The following AGO1 variants were observed in gnomAD, a reference collection of about 807,000 sequenced individuals.
The protein encoded by AGO1 is argonaute RISC component 1, also known as protein argonaute-1.
AGO1 carries 11 observed loss-of-function variants against 109.2 expected under a neutral mutation model. That is an observed-to-expected ratio of 0.10 (90% CI 0.06 to 0.17). The LOEUF is 0.17. Among genes scored for constraint, AGO1 ranks in the 10% least tolerant of loss-of-function variants. AGO1 has a pLI of 1.00. For missense variants in AGO1, 574 were observed against 1,140.3 expected, an observed-to-expected ratio of 0.50 and a Z score of 7.15; for synonymous variants, 422 against 418.6, an observed-to-expected ratio of 1.01 and a Z score of -0.10.
chr1:35,895,875 C>G (rs994815425), intron 8 of AGO1, among the ~76,000 whole-genome samples: 4 of 152,190 alleles, frequency 2.6e-5, no homozygotes, highest in African/African-American at 9.7e-5. Context: ...AAACTACTGC[C>G]TACTGCTTCA....
intron 11 of AGO1, 21 bp downstream of exon 11, chr1:35,902,358 G>T: frequency 1.9e-6 from 3 of 1,609,826 alleles, no homozygotes; most frequent in Non-Finnish European, 1.7e-6. Context: ...TTCGCTGTAG[G>T]GGTGGAAGGG....
Position 35,901,408 on chromosome 1 carries a change from G to C in AGO1, c.1021-66G>C, listed in dbSNP as rs1645413911. 3 of 1,596,128 alleles carry C rather than the reference G, an allele frequency of 1.9e-6. No individual in the cohort carries two copies. Among genetic ancestry groups the C allele is most frequent in the Non-Finnish European group, 2.6e-6 (3 of 1,169,662 alleles). ...GACAGCCAAGGTATCTTTCCTTATT[G>C]TGGGGCTCTGGGTACAGGGTGGACT... On this transcript the variant is annotated intron_variant, in intron 8 of 18. Transcript: ENST00000373204. This position sits in a 1 kb window ranked among gnomAD's most constrained non-coding sequence, Gnocchi z 4.8.
chr1:35,915,375 A>G lies in AGO1; in HGVS notation c.1861A>G (p.Ser621Gly), dbSNP rs1645715448. ...GGTAGGCAGTATGGATGCCCACCCC[A>G]GCCGATACTGTGCTACTGTGCGGGT... ...AVVGSMDAHP[S>G]RYCATVRVQR... The change falls in exon 15 of 19, where the codon AGC (serine) becomes GGC (glycine). Residue 621 changes from serine (S) to glycine (G), a missense_variant. This residue lies in a region of AGO1 where 68 missense variants were observed against 200.2 expected (regional missense o/e 0.34). Transcript: ENST00000373204. 6.2e-7 allele frequency: 1 copy of G among 1,613,856 alleles called. No homozygotes were observed. The highest frequency in any genetic ancestry group is 8.5e-7 in the Non-Finnish European group (1 of 1,179,924).
intron 12 of AGO1, 111 bp from the exon 13 acceptor site, chr1:35,913,731 G>A: frequency 9.0e-7 from 1 of 1,115,236 alleles, no homozygotes; most frequent in Non-Finnish European, 1.3e-6. Context: ...AGGACCTTAT[G>A]TGTTTCCTGT....
intron 14 of AGO1, among the ~76,000 whole-genome samples, chr1:35,914,600 G>T (rs1645701655): frequency 6.6e-6 from 1 of 152,134 alleles, no homozygotes. Flanking sequence ...CCTTTAAAGG[G>T]AGTTACTTAG....
chr1:35,918,948 ATGGG>A, intron 17 of AGO1, 103 bp from the exon 18 acceptor site: 1 of 1,011,760 alleles, frequency 9.9e-7, no homozygotes, highest in Non-Finnish European at 1.5e-6. Flanking sequence ...CTGCCTGTTC[ATGGG>A]TGAATTATCT....
intron 11 of AGO1, among the ~76,000 whole-genome samples, chr1:35,902,740 T>C (rs1255397836): frequency 6.6e-6 from 1 of 152,172 alleles, no homozygotes; most frequent in East Asian, 1.9e-4. Context: ...AGACTGAGGC[T>C]CAAAAGAGGT....
At chr1:35,887,214 C>G (rs566774320) in intron 1 of AGO1, among the ~76,000 whole-genome samples, 1 of 152,200 alleles carries the variant, frequency 6.6e-6, no homozygotes, top group Admixed American at 6.5e-5. Context: ...ATGAATGGTT[C>G]TGACCTCTTC....
intron 12 of AGO1, among the ~76,000 whole-genome samples, chr1:35,913,262 A>G (rs1208555008): frequency 6.6e-6 from 1 of 151,144 alleles, no homozygotes; most frequent in Non-Finnish European, 1.5e-5. Flanking sequence ...CTCATGATCC[A>G]CCCGCCTCGG....
In AGO1 at chr1:35,929,607, T is replaced by C. The variant is rs1161741391; in HGVS notation, c.*10000T>C. 6.6e-6 allele frequency: 1 copy of C among 152,222 alleles called. No individual in the cohort carries two copies. The highest frequency in any genetic ancestry group is 1.5e-5 in the Non-Finnish European group (1 of 68,030). The allele number at this position is 152,222 out of a possible 1,614,324, so 9.4% of individuals were successfully genotyped here. On this transcript the variant is annotated 3_prime_UTR_variant, in exon 19 of 19. Transcript: ENST00000373204. The stretch of plus-strand genomic sequence containing the variant: ...CGAGGATTAAAAATGACTTTTAAGA[T>C]GCAGTGTTTCATCTGGTGACATTTA...
In AGO1 at chr1:35,921,802, C is replaced by T. The variant is rs748073066; in HGVS notation, c.*2195C>T. ...CCTGCTGGCTACAGCATGGGGTGCCCTATAGGCACAAGCCCAGCTGAAGAA... is the reference window on the plus strand; with the variant it reads ...CCTGCTGGCTACAGCATGGGGTGCCTTATAGGCACAAGCCCAGCTGAAGAA... On this transcript the variant is annotated 3_prime_UTR_variant, in exon 19 of 19. Coordinates refer to ENST00000373204, the MANE Select transcript of AGO1 (RefSeq NM_012199.5). 6.5e-6 allele frequency: 1 copy of T among 152,678 alleles called. No individual in the cohort carries two copies. The highest frequency in any genetic ancestry group is 1.5e-5 in the Non-Finnish European group (1 of 68,070). 9.5% of individuals were successfully genotyped at this position (152,678 alleles called of 1,614,324 possible).
chr1:35,882,881 T>G (rs1487690452), upstream of AGO1: 1 of 985,080 alleles, frequency 1.0e-6, no homozygotes, highest in Non-Finnish European at 1.2e-6. This position sits in a 1 kb window ranked among gnomAD's most constrained non-coding sequence, Gnocchi z 5.1. Flanking sequence ...GGGAATGAAG[T>G]GGGGTTCCCA....
chr1:35,892,813 G>A lies in AGO1; in HGVS notation c.330+136G>A, dbSNP rs956044370. ...TATGTTTTAGGGTGAGGGGTGGGTA[G>A]GTGCTGATGTTTATTTAGTCTATCA... On this transcript the variant is annotated intron_variant, in intron 3 of 18. Transcript: ENST00000373204. 6 of 1,269,096 alleles carry A rather than the reference G, an allele frequency of 4.7e-6. No individual in the cohort carries two copies. Among genetic ancestry groups the A allele is most frequent in the Admixed American group, 2.1e-5 (1 of 48,452 alleles). The allele number at this position is 1,269,096 out of a possible 1,614,324, so 78.6% of individuals were successfully genotyped here.
At position 35,925,193 on chromosome 1, in the gene AGO1, TTC is replaced by T. The variant is rs2148729868; in HGVS notation, c.*5588_*5589del. 6.6e-6 allele frequency: 1 copy of T among 150,546 alleles called. No individual in the cohort carries two copies. The highest frequency in any genetic ancestry group is 2.0e-4 in the East Asian group (1 of 5,114). The allele number at this position is 150,546 out of a possible 1,614,324, so 9.3% of individuals were successfully genotyped here. ...AACATGAACTGCTGCAGAGAGGGAG[TTC>T]TTTTTTTTTCTGTGTGTTTTACCTT... On this transcript the variant is annotated 3_prime_UTR_variant, in exon 19 of 19. Coordinates refer to ENST00000373204, the MANE Select transcript of AGO1 (RefSeq NM_012199.5).
intron 12 of AGO1, among the ~76,000 whole-genome samples, chr1:35,909,235 T>G (rs1645588364): frequency 6.6e-6 from 1 of 152,240 alleles, no homozygotes; most frequent in African/African-American, 2.4e-5. Flanking sequence ...GATTTTAGTT[T>G]AATGTTTTCA....
chr1:35,887,101 A>G lies in AGO1; in HGVS notation c.26-1326A>G, dbSNP rs551241072. ...TAGCTGAGTTCTGAAGACCTTTTCC[A>G]TCCAGGCTGGGCCTTCATTTCCCTG... On this transcript the variant is annotated intron_variant, in intron 1 of 18. Coordinates refer to ENST00000373204, the MANE Select transcript of AGO1 (RefSeq NM_012199.5). 3.9e-4 allele frequency among the ~76,000 whole-genome samples: 60 copies of G among 152,220 alleles called. 1 individual carries two copies. In the South Asian group the frequency reaches 4.6e-3, roughly 12 times the overall value.
chr1:35,919,273 T>A lies in AGO1; in HGVS notation c.2465+19T>A. 1 of 1,607,896 alleles carries A rather than the reference T, an allele frequency of 6.2e-7. No homozygotes were observed. Among genetic ancestry groups the A allele is most frequent in the Non-Finnish European group, 8.5e-7 (1 of 1,177,120 alleles). ...ATGACAGGTGAGGCCTGGGATCAGG[T>A]TGGCCTCCTTTTTGCTTCAGCCTAT... On this transcript the variant is annotated intron_variant, in intron 18 of 18. Transcript: ENST00000373204. This position sits in a 1 kb window ranked among gnomAD's most constrained non-coding sequence, Gnocchi z 6.6.
chr1:35,914,981 T>C (rs1645708822), intron 14 of AGO1, among the ~76,000 whole-genome samples: 1 of 152,164 alleles, frequency 6.6e-6, no homozygotes, highest in Non-Finnish European at 1.5e-5. Context: ...AAGGATAAAC[T>C]TGGGACTGGA....
At position 35,883,803 on chromosome 1, in the gene AGO1, G is replaced by C. The variant is rs1645071598; in HGVS notation, c.25+357G>C. 6.6e-6 allele frequency among the ~76,000 whole-genome samples: 1 copy of C among 152,230 alleles called. No homozygotes were observed. The highest frequency in any genetic ancestry group is 2.4e-5 in the African/African-American group (1 of 41,460). ...GTCCAGGAGAGGAGGGGGCGACACA[G>C]ATGGGCCTGGAGCTACCGCATGCCG... On this transcript the variant is annotated intron_variant, in intron 1 of 18. Transcript: ENST00000373204. The surrounding 1 kb of genome is among the most constrained non-coding windows in gnomAD (Gnocchi z 5.4).
Sources: allele counts gnomAD v4.1 joint callset (sites outside exome capture counted in the v4.1 genomes callset), GRCh38; gene constraint gnomAD v4.1.1; regional missense constraint gnomAD v4.1.1; non-coding constraint Gnocchi (gnomAD v3.1); transcripts MANE v1.5; gene names NCBI Gene and HGNC (gene_info 2026-07-23, HGNC 2026-07-21).